The following TEFM variants were observed in gnomAD, a reference collection of about 807,000 sequenced individuals.
The protein encoded by TEFM is transcription elongation factor, mitochondrial.
In TEFM, 14 loss-of-function variants were observed where a neutral mutation model predicts 23.0. The ratio of observed to expected loss-of-function variants is 0.61; its 90% confidence interval spans 0.40 to 0.95. TEFM has a LOEUF of 0.95. TEFM is among the 40% of genes least tolerant of loss of function. TEFM has a pLI of 0.00. For missense variants in TEFM, 386 were observed against 425.5 expected (o/e 0.91, Z 0.82); for synonymous variants, 155 against 158.3 (o/e 0.98, Z 0.16).
At chr17:30,900,312 A>C in intron 3 of TEFM, 101 bp downstream of exon 3, 1 of 1,177,306 alleles carries the variant, frequency 8.5e-7, no homozygotes, top group Non-Finnish European at 1.2e-6. Context: ...TACCAGAAGA[A>C]AACCCATCTT....
At chr17:30,901,583 A>G (rs1026971757) in intron 2 of TEFM, among the ~76,000 whole-genome samples, 1 of 152,212 alleles carries the variant, frequency 6.6e-6, no homozygotes, top group African/African-American at 2.4e-5. Context: ...GTCTGGAAAG[A>G]TAGGCTGTTT....
chr17:30,901,663 T>C (rs965498138), intron 2 of TEFM, among the ~76,000 whole-genome samples: 1 of 152,156 alleles, frequency 6.6e-6, no homozygotes, highest in South Asian at 2.1e-4. Flanking sequence ...CAGATGTCTA[T>C]AAAGGTAAGT....
chr17:30,904,680 TC>T, intron 1 of TEFM, 151 bp from the exon 2 acceptor site: 3 of 562,926 alleles, frequency 5.3e-6, no homozygotes, highest in Non-Finnish European at 9.0e-6. Context: ...TGGAGAATCA[TC>T]TTTTTTTTTT....
chr17:30,899,429 TC>T lies in TEFM; in HGVS notation c.822del (p.Ser275AlafsTer2). On this transcript the variant is annotated frameshift_variant, in exon 4 of 4. Coordinates refer to ENST00000581216, the MANE Select transcript of TEFM (RefSeq NM_024683.4). LOFTEE classifies it high-confidence loss of function. ...TFAQDGQHQVLSMNRNAVGKH... is the reference protein window; with the variant it reads ...TFAQDGQHQVXSMNRNAVGKH... Reference sequence around the variant, plus strand: ...TTCCCCACTGCATTTCGATTCATGCTCAGCACCTGATGCTGCCCATCCTGGG... The same window carrying T: ...TTCCCCACTGCATTTCGATTCATGCTAGCACCTGATGCTGCCCATCCTGGG... 6.2e-7 allele frequency: 1 copy of T among 1,614,212 alleles called. No homozygotes were observed. The highest frequency in any genetic ancestry group is 1.6e-4 in the Middle Eastern group (1 of 6,062).
Position 30,899,106 on chromosome 17 carries a change from TTCA to T in TEFM, c.*60_*62del. ...GTGTTCTTTTCCAATAACATGGATG[TTCA>T]CAACAGTTGGTGTTACGTTAGAGCT... On this transcript the variant is annotated 3_prime_UTR_variant, in exon 4 of 4. Coordinates refer to ENST00000581216, the MANE Select transcript of TEFM (RefSeq NM_024683.4). 1 of 1,350,024 alleles carries T rather than the reference TTCA, an allele frequency of 7.4e-7. No homozygotes were observed. 83.6% of individuals were successfully genotyped at this position (1,350,024 alleles called of 1,614,324 possible).
intron 1 of TEFM, among the ~76,000 whole-genome samples, chr17:30,905,359 A>G (rs1395008137): frequency 6.6e-6 from 1 of 152,010 alleles, no homozygotes; most frequent in Non-Finnish European, 1.5e-5. Context: ...TGTCTCTACT[A>G]ATAATACAAA....
intron 2 of TEFM, among the ~76,000 whole-genome samples, chr17:30,902,048 T>C (rs1279994404): frequency 6.6e-6 from 1 of 152,114 alleles, no homozygotes; most frequent in Non-Finnish European, 1.5e-5. Context: ...ATGCATTAAG[T>C]TTGGGTTGCC....
chr17:30,902,853 A>C (rs2142475231), intron 2 of TEFM, among the ~76,000 whole-genome samples: 1 of 152,280 alleles, frequency 6.6e-6, no homozygotes, highest in Admixed American at 6.5e-5. Flanking sequence ...TTAATACTTG[A>C]GTGCTGTGGC....
In TEFM at chr17:30,906,214, G is replaced by A. The variant is rs1226767357; in HGVS notation, c.-16C>T. 1.2e-6 allele frequency: 2 copies of A among 1,614,170 alleles called. No homozygotes were observed. The highest frequency in any genetic ancestry group is 2.2e-5 in the East Asian group (1 of 44,896). The stretch of plus-strand genomic sequence containing the variant: ...ACCCGCTCATCTCCAAGTTGAATCA[G>A]TAGGTCCAGTCTTCCTCCATTGACT... On this transcript the variant is annotated 5_prime_UTR_variant, in exon 1 of 4. Transcript: ENST00000581216.
Position 30,900,569 on chromosome 17 carries a change from G to T in TEFM, c.496-7C>A. On this transcript the variant is annotated splice_polypyrimidine_tract_variant and splice_region_variant and intron_variant, in intron 2 of 3. Coordinates refer to ENST00000581216, the MANE Select transcript of TEFM (RefSeq NM_024683.4). ...ATATGATACTATTAACTGCCTAAAAGAAAAGACTGATTTAATTAGAAGTAT... is the reference window on the plus strand; with the variant it reads ...ATATGATACTATTAACTGCCTAAAATAAAAGACTGATTTAATTAGAAGTAT... The T allele has an allele frequency of 6.2e-7, 1 of 1,606,674 alleles. No homozygotes were observed. The highest frequency in any genetic ancestry group is 1.3e-5 in the African/African-American group (1 of 74,560).
chr17:30,904,224 C>A lies in TEFM; in HGVS notation c.337G>T (p.Glu113Ter). 2 of 1,614,168 alleles carry A rather than the reference C, an allele frequency of 1.2e-6. No homozygotes were observed. The highest frequency in any genetic ancestry group is 1.7e-6 in the Non-Finnish European group (2 of 1,180,026). ...RENFGPFQNL[E>*]SLMNVPLFKY... ...AACAAGGGCACATTCATTAAACTCT[C>A]TAAATTCTGAAATGGCCCAAAGTTT... The change falls in exon 2 of 4, where the codon GAG (glutamate) becomes TAG (stop). Residue 113 changes from glutamate (E) to a stop codon, truncating the protein, a stop_gained. Coordinates refer to ENST00000581216, the MANE Select transcript of TEFM (RefSeq NM_024683.4). LOFTEE classifies it high-confidence loss of function.
At position 30,899,326 on chromosome 17, in the gene TEFM, AG is replaced by A; in HGVS notation, c.925del (p.Leu309Ter). On this transcript the variant is annotated frameshift_variant, in exon 4 of 4. Transcript: ENST00000581216. LOFTEE classifies it low-confidence loss of function (END_TRUNC). ...GAAGAACACCCGAGGATCCGCCTTCAGTATAGAATCGAAGAGAAACTGCTTC... is the reference window on the plus strand; with the variant it reads ...GAAGAACACCCGAGGATCCGCCTTCATATAGAATCGAAGAGAAACTGCTTC... ...LVKQFLFDSI[L>X]KADPRVFFPS... The A allele has an allele frequency of 6.2e-7, 1 of 1,614,242 alleles. No homozygotes were observed.
At chr17:30,904,640 GAACT>G in intron 1 of TEFM, 111 bp from the exon 2 acceptor site, 1 of 695,696 alleles carries the variant, frequency 1.4e-6, no homozygotes. Flanking sequence ...TGGAATTTAA[GAACT>G]AATAGAGGAC....
rs769582605 is a variant in TEFM, at chr17:30,899,561, G to C, written c.691C>G (p.Leu231Val). The part of the protein sequence containing the change: ...SKMPKADFYV[L>V]EKTGLSIQNS... Reference sequence around the variant, plus strand: ...TGAATGGAAAGTCCTGTTTTTTCCAGAACATAGAAATCTGCTTTAGGCATC... The same window carrying C: ...TGAATGGAAAGTCCTGTTTTTTCCACAACATAGAAATCTGCTTTAGGCATC... The change falls in exon 4 of 4, where the codon CTG becomes GTG. Residue 231 changes from leucine to valine, a missense_variant. Transcript: ENST00000581216. 5 of 1,593,098 alleles carry C rather than the reference G, an allele frequency of 3.1e-6. No homozygotes were observed. Among genetic ancestry groups the C allele is most frequent in the Non-Finnish European group, 4.3e-6 (5 of 1,168,660 alleles).
chr17:30,905,727 C>A (rs1357795401), intron 1 of TEFM, among the ~76,000 whole-genome samples: 2 of 152,132 alleles, frequency 1.3e-5, no homozygotes, highest in Non-Finnish European at 2.9e-5. Context: ...CCATACAATG[C>A]ATAACTTTGT....
intron 1 of TEFM, among the ~76,000 whole-genome samples, chr17:30,904,765 G>A (rs1039371408): frequency 1.3e-5 from 2 of 149,216 alleles, no homozygotes; most frequent in Admixed American, 6.7e-5. Flanking sequence ...TGCAAGCTCC[G>A]CCTCCCAGGT....
At chr17:30,905,089 A>C (rs1040686877) in intron 1 of TEFM, among the ~76,000 whole-genome samples, 3 of 152,248 alleles carry the variant, frequency 2.0e-5, no homozygotes, top group African/African-American at 7.2e-5. Context: ...TTTATGGATC[A>C]GTCCGAAGTT....
chr17:30,903,980 G>T, intron 2 of TEFM, 86 bp downstream of exon 2: 2 of 1,206,012 alleles, frequency 1.7e-6, no homozygotes, highest in Non-Finnish European at 2.3e-6. Flanking sequence ...CCCTGTCTTA[G>T]CCACTTCCCA....
intron 2 of TEFM, 70 bp from the exon 3 acceptor site, chr17:30,900,632 C>G (rs35683926): frequency 0.021 from 28,999 of 1,387,132 alleles, 390 homozygotes; most frequent in Non-Finnish European, 0.025. Flanking sequence ...GACGGAGTCT[C>G]GCTCTGTCTC....
Sources: allele counts gnomAD v4.1 joint callset (sites outside exome capture counted in the v4.1 genomes callset), GRCh38; gene constraint gnomAD v4.1.1; transcripts MANE v1.5; gene names NCBI Gene and HGNC (gene_info 2026-07-23, HGNC 2026-07-21).